YIPF2: variants seen among roughly 807,000 people sequenced by gnomAD.
YIPF2 encodes Yip1 domain family member 2, also known as protein YIPF2.
YIPF2 carries 30 observed loss-of-function variants against 38.8 expected under a neutral mutation model. The ratio of observed to expected loss-of-function variants is 0.77; its 90% CI spans 0.58 to 1.05. The LOEUF (loss-of-function observed/expected upper bound fraction) is 1.05, where lower values mean the gene tolerates loss of function less well. Ranked by LOEUF, YIPF2 falls within the 50% of genes least tolerant of loss-of-function variation. The pLI, the probability that YIPF2 is intolerant of heterozygous loss-of-function variation, is 0.00. For synonymous variants in YIPF2, 194 were observed against 183.8 expected, an observed-to-expected ratio of 1.06 and a Z score of -0.45; for missense variants, 401 against 409.7, an observed-to-expected ratio of 0.98 and a Z score of 0.18.
intron 2 of YIPF2, 52 bp from the exon 3 acceptor site, chr19:10,928,011 C>T (rs2083454169): frequency 6.4e-7 from 1 of 1,570,178 alleles, no homozygotes; most frequent in Non-Finnish European, 8.7e-7. Context: ...GGAAAGAACT[C>T]GACTGGGCCC....
chr19:10,922,367 C>T lies in YIPF2; in HGVS notation c.*827G>A, dbSNP rs1387378112. 6.5e-6 allele frequency: 1 copy of T among 152,722 alleles called. No individual in the cohort carries two copies. The highest frequency in any genetic ancestry group is 1.5e-5 in the Non-Finnish European group (1 of 68,134). 9.5% of individuals were successfully genotyped at this position (152,722 alleles called of 1,614,324 possible). On this transcript the variant is annotated 3_prime_UTR_variant, in exon 10 of 10. Coordinates refer to ENST00000586748, the MANE Select transcript of YIPF2 (RefSeq NM_001321439.2). ...GCCCCCTCCCCACCAAAGGGTTCAC[C>T]TCACACTTGAATGTACAACCCACCC...
chr19:10,924,262 T>C, intron 5 of YIPF2, 70 bp from the exon 6 acceptor site: 1 of 1,375,900 alleles, frequency 7.3e-7, no homozygotes. Flanking sequence ...GTATCCTGAC[T>C]GAGCTGTGCT....
chr19:10,926,674 G>C (rs1599726438), intron 4 of YIPF2, among the ~76,000 whole-genome samples: 2 of 150,300 alleles, frequency 1.3e-5, no homozygotes, highest in East Asian at 4.0e-4. Flanking sequence ...CTACAGGTGT[G>C]TGCCACCATG....
chr19:10,923,218 C>T (rs1341614009), intron 9 of YIPF2, 44 bp from the exon 10 acceptor site: 4 of 1,459,220 alleles, frequency 2.7e-6, no homozygotes, highest in African/African-American at 1.4e-5. Flanking sequence ...AACCTCTCGC[C>T]TTGACTGGGA....
chr19:10,923,208 A>T, intron 9 of YIPF2, 34 bp from the exon 10 acceptor site: 1 of 1,391,762 alleles, frequency 7.2e-7, no homozygotes, highest in Admixed American at 2.3e-5. Context: ...GTGGCCCCAG[A>T]ACCTCTCGCC....
In YIPF2 at chr19:10,923,265, T is replaced by C. The variant is rs1335652029; in HGVS notation, c.*19+7A>G. The C allele has an allele frequency of 6.3e-7, 1 of 1,597,806 alleles. No individual in the cohort carries two copies. The highest frequency in any genetic ancestry group is 8.5e-7 in the Non-Finnish European group (1 of 1,173,502). ...GCCCCCTTAGCCCAGCTGGGAATAGTCCTTACCTGTGGGACCCGGGCCTTC... is the reference window on the plus strand; with the variant it reads ...GCCCCCTTAGCCCAGCTGGGAATAGCCCTTACCTGTGGGACCCGGGCCTTC... On this transcript the variant is annotated splice_region_variant and intron_variant, in intron 9 of 9. Coordinates refer to ENST00000586748, the MANE Select transcript of YIPF2 (RefSeq NM_001321439.2).
chr19:10,927,704 G>GCTGCTC lies in YIPF2; in HGVS notation c.204_205insGAGCAG (p.Glu68_Gln69insGluGln), dbSNP rs1253060779. The GCTGCTC allele has an allele frequency of 1.2e-6, 2 of 1,613,290 alleles. No individual in the cohort carries two copies. Among genetic ancestry groups the GCTGCTC allele is most frequent in the African/African-American group, 2.7e-5 (2 of 74,934 alleles). On this transcript the variant is annotated inframe_insertion, in exon 4 of 10. Transcript: ENST00000586748. ...AATCCCGGCTGCTGCTGCTGCTGCT[G>GCTGCTC]CTCCTGCAGGAGCTGCACATTGCGG...
At chr19:10,925,201 C>T (rs967344042) in intron 5 of YIPF2, among the ~76,000 whole-genome samples, 3 of 150,602 alleles carry the variant, frequency 2.0e-5, no homozygotes, top group Non-Finnish European at 4.4e-5. Context: ...CACTGCACTC[C>T]AGCCTGGGTG....
At position 10,923,147 on chromosome 19, in the gene YIPF2, CAG is replaced by C. The variant is rs770106208; in HGVS notation, c.*45_*46del. 39 of 726,754 alleles carry C rather than the reference CAG, an allele frequency of 5.4e-5. No individual in the cohort carries two copies. The highest frequency in any genetic ancestry group is 8.3e-5 in the Non-Finnish European group (38 of 459,598). The allele number at this position is 726,754 out of a possible 1,614,324, so 45.0% of individuals were successfully genotyped here. A position where few individuals can be genotyped will look rare whatever the true frequency, so the allele number is the denominator to read the frequency against. ...GTCATCGTCTGGGGGGCAGGACAGG[CAG>C]AGGGGTTGGTCCACTTAGGTGTTGC... On this transcript the variant is annotated 3_prime_UTR_variant, in exon 10 of 10. Coordinates refer to ENST00000586748, the MANE Select transcript of YIPF2 (RefSeq NM_001321439.2).
intron 4 of YIPF2, 129 bp downstream of exon 4, chr19:10,927,501 C>T (rs896127204): frequency 1.6e-5 from 20 of 1,219,444 alleles, no homozygotes; most frequent in Non-Finnish European, 2.2e-5. Context: ...ACCAGTCCCA[C>T]CATAACCCTT....
intron 4 of YIPF2, among the ~76,000 whole-genome samples, chr19:10,926,801 C>T (rs193285820): frequency 1.5e-3 from 234 of 152,096 alleles, no homozygotes; most frequent in Non-Finnish European, 2.9e-3. Flanking sequence ...GCTAGGATTA[C>T]AGGCGCCGAC....
Position 10,923,282 on chromosome 19 carries a change from CGGGCCTTCCTAGGAGG to C in YIPF2, c.944_*8del, listed in dbSNP as rs1568360905. On this transcript the variant is annotated stop_lost and 3_prime_UTR_variant, in exon 9 of 10. Transcript: ENST00000586748. ...GGGAATAGTCCTTACCTGTGGGACC[CGGGCCTTCCTAGGAGG>C]GGGCCAGGGACTGCGGCAAGGTAGG... 6.2e-7 allele frequency: 1 copy of C among 1,604,790 alleles called. No homozygotes were observed. The highest frequency in any genetic ancestry group is 8.5e-7 in the Non-Finnish European group (1 of 1,176,736).
intron 5 of YIPF2, among the ~76,000 whole-genome samples, chr19:10,924,831 G>A (rs1230942352): frequency 1.4e-5 from 2 of 145,124 alleles, no homozygotes; most frequent in Non-Finnish European, 3.0e-5. Flanking sequence ...AGAATCCAGT[G>A]CCACTCTCCA....
At chr19:10,926,318 C>CAA (rs2145275441) in intron 4 of YIPF2, among the ~76,000 whole-genome samples, 1 of 152,110 alleles carries the variant, frequency 6.6e-6, no homozygotes, top group African/African-American at 2.4e-5. Flanking sequence ...GCTCCGCCTC[C>CAA]TGGGTTCACA....
In YIPF2 at chr19:10,923,877, C is replaced by T. The variant is rs778397143; in HGVS notation, c.607G>A (p.Val203Met). Reference sequence around the variant, plus strand: ...AAGAGGGAGTAGCCGTAGATGCACACAGTCTCCAGGAAGGTGTAGGGCCCC... The same window carrying T: ...AAGAGGGAGTAGCCGTAGATGCACATAGTCTCCAGGAAGGTGTAGGGCCCC... ...RMGPYTFLET[V>M]CIYGYSLFVF... Residue 203 changes from valine (V) to methionine (M), a missense_variant, in exon 7 of 10, where the codon GTG (valine) becomes ATG (methionine). Coordinates refer to ENST00000586748, the MANE Select transcript of YIPF2 (RefSeq NM_001321439.2). 8.7e-6 allele frequency: 14 copies of T among 1,613,258 alleles called. No individual in the cohort carries two copies. Among genetic ancestry groups the T allele is most frequent in the African/African-American group, 6.7e-5 (5 of 74,898 alleles).
intron 2 of YIPF2, 121 bp from the exon 3 acceptor site, chr19:10,928,080 A>C (rs1443306574): frequency 2.1e-6 from 3 of 1,398,654 alleles, no homozygotes; most frequent in Non-Finnish European, 2.9e-6. Flanking sequence ...ATCTCCCCCA[A>C]GGTGGGGCCC....
At chr19:10,927,529 G>T in intron 4 of YIPF2, 101 bp downstream of exon 4, 2 of 1,455,258 alleles carry the variant, frequency 1.4e-6, no homozygotes, top group Non-Finnish European at 1.9e-6. Context: ...ACCACAGTTC[G>T]TTCACCAGCA....
chr19:10,923,838 T>TGG lies in YIPF2; in HGVS notation c.644_645dup (p.Met216ProfsTer136). On this transcript the variant is annotated frameshift_variant, in exon 7 of 10. Coordinates refer to ENST00000586748, the MANE Select transcript of YIPF2 (RefSeq NM_001321439.2). LOFTEE classifies it high-confidence loss of function. The stretch of plus-strand genomic sequence containing the variant: ...CCGCGCCAGGCCACACTCACCACCA[T>TGG]GGGGATGAAGACAAAGAGGGAGTAG... 1 of 1,612,336 alleles carries TGG rather than the reference T, an allele frequency of 6.2e-7. No individual in the cohort carries two copies. Among genetic ancestry groups the TGG allele is most frequent in the East Asian group, 2.2e-5 (1 of 44,778 alleles).
At position 10,928,540 on chromosome 19, in the gene YIPF2, G is replaced by T; in HGVS notation, c.-60C>A. On this transcript the variant is annotated 5_prime_UTR_variant, in exon 1 of 10. Coordinates refer to ENST00000586748, the MANE Select transcript of YIPF2 (RefSeq NM_001321439.2). The stretch of plus-strand genomic sequence containing the variant: ...CGACCAACTGCACCCACGGAGGCTT[G>T]AACTCGTCGTCCCGTCCCCACAGGT... 8.1e-7 allele frequency: 1 copy of T among 1,234,528 alleles called. No homozygotes were observed. Among genetic ancestry groups the T allele is most frequent in the South Asian group, 2.0e-5 (1 of 50,244 alleles). 76.5% of individuals were successfully genotyped at this position (1,234,528 alleles called of 1,614,324 possible). A position where few individuals can be genotyped will look rare whatever the true frequency, so the allele number is the denominator to read the frequency against.
Sources: gnomAD v4.1 joint callset for allele counts (sites outside exome capture counted in the v4.1 genomes callset) on GRCh38, gnomAD v4.1.1 for gene constraint, MANE v1.5 for transcripts, NCBI Gene and HGNC (gene_info 2026-07-23, HGNC 2026-07-21) for gene names.